RANGAP1: variants seen among roughly 807,000 people sequenced by gnomAD.
RANGAP1 encodes ran GTPase-activating protein 1.
Under a neutral mutation model 63.5 loss-of-function variants are expected in RANGAP1, and 38 were observed. That is an observed-to-expected ratio of 0.60 (90% CI 0.46 to 0.78). The LOEUF is 0.78. Among genes scored for constraint, RANGAP1 ranks in the 30% least tolerant of loss-of-function variants. The probability of loss-of-function intolerance (pLI) is 0.00; values close to 1 mark genes in which losing one functional copy is unlikely to be tolerated. For synonymous variants in RANGAP1, 329 were observed against 310.5 expected (o/e 1.06, Z -0.63); for missense variants, 630 against 740.3 (o/e 0.85, Z 1.73).
chr22:41,277,604 G>A, intron 2 of RANGAP1: 1 of 823,840 alleles, frequency 1.2e-6, no homozygotes. Flanking sequence ...CTTGAGAAAG[G>A]ACTTATAACC....
rs1041760169 is a variant in RANGAP1, at chr22:41,257,688, C to T, written c.774+260G>A. On this transcript the variant is annotated intron_variant, in intron 7 of 15. Transcript: ENST00000356244. This position sits in a 1 kb window ranked among gnomAD's most constrained non-coding sequence, Gnocchi z 4.0. ...CCTGTGCAGCCTGAGAACAAACCAG[C>T]GGCAGCCGCTGGGGGCTGCAGAGGC... Among the ~76,000 whole-genome samples, 16 of 152,248 alleles carry T rather than the reference C, an allele frequency of 1.1e-4. No individual in the cohort carries two copies. The highest frequency in any genetic ancestry group is 2.2e-4 in the Non-Finnish European group (15 of 68,046).
intron 6 of RANGAP1, among the ~76,000 whole-genome samples, chr22:41,258,565 A>G (rs139511): frequency 0.39 from 59,005 of 151,856 alleles, 12,121 homozygotes; most frequent in Non-Finnish European, 0.45. Flanking sequence ...TCTAGGGATG[A>G]GGAGGGTGTT....
chr22:41,257,577 G>T lies in RANGAP1; in HGVS notation c.774+371C>A, dbSNP rs1009499240. Among the ~76,000 whole-genome samples, 99 of 152,166 alleles carry T rather than the reference G, an allele frequency of 6.5e-4. No homozygotes were observed. The highest frequency in any genetic ancestry group is 2.3e-3 in the African/African-American group (96 of 41,446). On this transcript the variant is annotated intron_variant, in intron 7 of 15. Transcript: ENST00000356244. This position sits in a 1 kb window ranked among gnomAD's most constrained non-coding sequence, Gnocchi z 4.0. ...CCAGCTTGGGCAACAGTAAGATTCC[G>T]TCTCAAAAAGTGATAATAAATAACA...
chr22:41,293,233 CAA>C, the RANGAP1 span, among the ~76,000 whole-genome samples: 50 of 94,782 alleles, frequency 5.3e-4, no homozygotes, highest in Admixed American at 9.3e-4. Flanking sequence ...AGACTCCTCT[CAA>C]AAAAAAAAAA....
the RANGAP1 span, among the ~76,000 whole-genome samples, chr22:41,298,186 A>G: frequency 3.3e-5 from 5 of 150,142 alleles, no homozygotes; most frequent in Non-Finnish European, 5.9e-5. Context: ...TATTTTTAGT[A>G]GAGACAGGGT....
chr22:41,290,262 C>G (rs9623373), upstream of RANGAP1, among the ~76,000 whole-genome samples: 7,489 of 138,922 alleles, frequency 0.054, 652 homozygotes, highest in African/African-American at 0.19. Context: ...TGGAGTCTCA[C>G]TCTGTCACCC....
rs2145724190 is a variant in RANGAP1, at chr22:41,257,902, G to A, written c.774+46C>T. ...AGCTTCCCTGGAAAGACAGCAGCCA[G>A]CCTCTATCTGGCGGGGCCCAACTGG... On this transcript the variant is annotated intron_variant, in intron 7 of 15. Coordinates refer to ENST00000356244, the MANE Select transcript of RANGAP1 (RefSeq NM_002883.4). The surrounding 1 kb of genome is among the most constrained non-coding windows in gnomAD (Gnocchi z 4.0). The A allele has an allele frequency of 6.5e-7, 1 of 1,547,982 alleles. No individual in the cohort carries two copies. Among genetic ancestry groups the A allele is most frequent in the East Asian group, 2.3e-5 (1 of 43,468 alleles).
At chr22:41,249,841 C>T (rs1487356929) in intron 13 of RANGAP1, 24 bp from the exon 14 acceptor site, 6 of 1,597,002 alleles carry the variant, frequency 3.8e-6, no homozygotes, top group Non-Finnish European at 5.2e-6. Context: ...GCAGCAGGGG[C>T]AGGCTGCTGG....
rs895225700 is a variant in RANGAP1, at chr22:41,274,512, G to A, written c.240+88C>T. ...GTACAGCCACACAGGCAGGGGCCTG[G>A]AAGAGACTGGACACAGGCAGGGGTT... On this transcript the variant is annotated intron_variant, in intron 3 of 15. Transcript: ENST00000356244. The A allele has an allele frequency of 5.1e-6, 8 of 1,559,474 alleles. No individual in the cohort carries two copies. The East Asian group carries it at 1.4e-4, about 26-fold the overall frequency.
intron 8 of RANGAP1, 142 bp from the exon 9 acceptor site, chr22:41,256,432 C>A: frequency 1.3e-6 from 1 of 779,100 alleles, no homozygotes; most frequent in Non-Finnish European, 2.1e-6. Context: ...AGAATAACAC[C>A]AACAACAAAA....
Position 41,261,550 on chromosome 22 carries a change from G to C in RANGAP1, c.511C>G (p.Arg171Gly), listed in dbSNP as rs1295345347. The C allele has an allele frequency of 8.7e-6, 14 of 1,614,228 alleles. No homozygotes were observed. The South Asian group carries it at 1.5e-4, about 18-fold the overall frequency. Residue 171 changes from arginine (R) to glycine (G), a missense_variant, in exon 6 of 16, where the codon CGG becomes GGG. Around this residue, in one of 3 missense-constraint regions of RANGAP1, gnomAD observed 137 missense variants for 214.3 expected, o/e 0.64. Coordinates refer to ENST00000356244, the MANE Select transcript of RANGAP1 (RefSeq NM_002883.4). ...ILAAALTECH[R>G]KSSAQGKPLA... ...GGCTTGCCTTGGGCACTGGATTTCC[G>C]GTGACATTCGGTCAGAGCTGCAGCC...
In RANGAP1 at chr22:41,249,724, C is replaced by T. The variant is rs781485057; in HGVS notation, c.1572+5G>A. 34 of 1,611,678 alleles carry T rather than the reference C, an allele frequency of 2.1e-5. No individual in the cohort carries two copies. Among genetic ancestry groups the T allele is most frequent in the Admixed American group, 3.3e-5 (2 of 59,996 alleles). ...TCCCGGGCCTGCTGTTCCTTCCGGC[C>T]TCACCTTGAGCAGACCCATGTGCAC... On this transcript the variant is annotated splice_donor_5th_base_variant and intron_variant, in intron 14 of 15. Transcript: ENST00000356244.
rs1391273123 is a variant in RANGAP1, at chr22:41,274,615, C to T, written c.225G>A (p.Lys75=). 6.2e-7 allele frequency: 1 copy of T among 1,614,042 alleles called. No individual in the cohort carries two copies. Among genetic ancestry groups the T allele is most frequent in the African/African-American group, 1.3e-5 (1 of 74,928 alleles). ...CTCTGCTCACCTTCAACTCCGACTTCTTCTCTAAGGCCTTGGCGATGACCC... is the reference window on the plus strand; with the variant it reads ...CTCTGCTCACCTTCAACTCCGACTTTTTCTCTAAGGCCTTGGCGATGACCC... ...AARVIAKALE[K]KSELKRCHWS... Residue 75 remains lysine (K), a synonymous_variant, in exon 3 of 16, where the codon AAG becomes AAA. Coordinates refer to ENST00000356244, the MANE Select transcript of RANGAP1 (RefSeq NM_002883.4).
intron 1 of RANGAP1, chr22:41,282,473 C>G (rs1013478900): frequency 2.6e-5 from 4 of 152,212 alleles, no homozygotes; most frequent in Admixed American, 2.6e-4. Context: ...GCACCCACCA[C>G]CATGTCCAGC....
At chr22:41,277,378 G>T in intron 2 of RANGAP1, 1 of 1,003,560 alleles carries the variant, frequency 1.0e-6, no homozygotes, top group Non-Finnish European at 1.3e-6. Context: ...GCGCCCGGCC[G>T]AAAGTGAGGA....
At chr22:41,271,016 C>G (rs954613727) in intron 3 of RANGAP1, among the ~76,000 whole-genome samples, 33 of 152,278 alleles carry the variant, frequency 2.2e-4, no homozygotes, top group African/African-American at 7.7e-4. Context: ...CATCACTCCC[C>G]CTCTCCAGCC....
At position 41,257,452 on chromosome 22, in the gene RANGAP1, C is replaced by T. The variant is rs546987142; in HGVS notation, c.774+496G>A. Among the ~76,000 whole-genome samples, 1 of 152,244 alleles carries T rather than the reference C, an allele frequency of 6.6e-6. No homozygotes were observed. The highest frequency in any genetic ancestry group is 2.4e-5 in the African/African-American group (1 of 41,538). On this transcript the variant is annotated intron_variant, in intron 7 of 15. Coordinates refer to ENST00000356244, the MANE Select transcript of RANGAP1 (RefSeq NM_002883.4). The surrounding 1 kb of genome is among the most constrained non-coding windows in gnomAD (Gnocchi z 4.0). ...CAAAGCCAAGCACTAAATGGGGACT[C>T]AAAAAACAGCTGCTGGGCCAGGCAC...
At chr22:41,292,273 G>C in the RANGAP1 span, among the ~76,000 whole-genome samples, 2 of 151,790 alleles carry the variant, frequency 1.3e-5, no homozygotes, top group Admixed American at 1.3e-4. Flanking sequence ...TCAGCCTCCC[G>C]AGTAGCTGGG....
At chr22:41,249,667 G>A (rs1374637003) in intron 14 of RANGAP1, 62 bp downstream of exon 14, 5 of 1,568,724 alleles carry the variant, frequency 3.2e-6, no homozygotes, top group Non-Finnish European at 2.6e-6. Flanking sequence ...GCATGGCTGG[G>A]GCAGCTTCTG....
Sources: allele counts gnomAD v4.1 joint callset (sites outside exome capture counted in the v4.1 genomes callset), GRCh38; gene constraint gnomAD v4.1.1; regional missense constraint gnomAD v4.1.1; non-coding constraint Gnocchi (gnomAD v3.1); transcripts MANE v1.5; gene names NCBI Gene and HGNC (gene_info 2026-07-23, HGNC 2026-07-21).